Variants in C6orf163 observed in about 807,000 individuals in gnomAD.
The protein encoded by C6orf163 is uncharacterized protein C6orf163.
C6orf163 carries 22 observed loss-of-function variants against 28.4 expected under a neutral mutation model. The ratio of observed to expected loss-of-function variants is 0.78; its 90% CI spans 0.55 to 1.11. The LOEUF is 1.11. Ranked by LOEUF, C6orf163 falls within the 50% of genes least tolerant of loss-of-function variation. The probability of loss-of-function intolerance (pLI) is 0.00; values close to 1 mark genes in which losing one functional copy is unlikely to be tolerated. For missense variants in C6orf163, 342 were observed against 389.1 expected (o/e 0.88, Z 1.02); for synonymous variants, 110 against 123.6 (o/e 0.89, Z 0.73).
intron 1 of C6orf163, 66 bp downstream of exon 1, chr6:87,345,313 A>G: frequency 2.9e-6 from 4 of 1,399,122 alleles, no homozygotes; most frequent in South Asian, 1.6e-5. Context: ...TCTTTCTGTT[A>G]CATAGACTTT....
chr6:87,350,340 T>A, intron 2 of C6orf163, 54 bp from the exon 3 acceptor site: 1 of 1,131,046 alleles, frequency 8.8e-7, no homozygotes. Context: ...TAAGCCAAGT[T>A]TGCTTGTGCT....
chr6:87,357,553 A>G (rs1777523607), intron 4 of C6orf163: 1 of 152,230 alleles, frequency 6.6e-6, no homozygotes, highest in African/African-American at 2.4e-5. Context: ...TGCAGCTGTG[A>G]CAGTTTAACT....
Position 87,344,898 on chromosome 6 carries a change from G to T in C6orf163, c.-202G>T. On this transcript the variant is annotated 5_prime_UTR_variant, in exon 1 of 5. Coordinates refer to ENST00000388923, the MANE Select transcript of C6orf163 (RefSeq NM_001010868.3). ...GGTGCCCATACCTTCTATGGCAGGG[G>T]CTTTTAGCACCATTCTTTAACGTTA... 2.5e-6 allele frequency: 1 copy of T among 406,742 alleles called. No individual in the cohort carries two copies. The highest frequency in any genetic ancestry group is 4.3e-6 in the Non-Finnish European group (1 of 231,180). The allele number at this position is 406,742 out of a possible 1,614,324, so 25.2% of individuals were successfully genotyped here.
At chr6:87,359,622 T>G (rs756613248) in intron 4 of C6orf163, among the ~76,000 whole-genome samples, 5 of 152,248 alleles carry the variant, frequency 3.3e-5, no homozygotes, top group Non-Finnish European at 7.3e-5. Flanking sequence ...AAGGATCAAT[T>G]GCTACTATGG....
At chr6:87,350,716 G>C (rs1436838050) in intron 3 of C6orf163, among the ~76,000 whole-genome samples, 2 of 152,190 alleles carry the variant, frequency 1.3e-5, no homozygotes, top group Admixed American at 1.3e-4. Flanking sequence ...CTTCCCAAGG[G>C]AAGCTTTGCC....
chr6:87,345,210 A>G lies in C6orf163; in HGVS notation c.111A>G (p.Pro37=), dbSNP rs1777304552. The G allele has an allele frequency of 6.5e-7, 1 of 1,535,296 alleles. No homozygotes were observed. Among genetic ancestry groups the G allele is most frequent in the African/African-American group, 1.4e-5 (1 of 72,918 alleles). Residue 37 remains proline, a synonymous_variant, in exon 1 of 5, where the codon CCA becomes CCG. Coordinates refer to ENST00000388923, the MANE Select transcript of C6orf163 (RefSeq NM_001010868.3). ...TCAAACGGATCCATGAATACAAGCC[A>G]CTTAAGACACGCTTTTACACTCACA... ...KTFKRIHEYK[P]LKTRFYTHKD...
intron 2 of C6orf163, among the ~76,000 whole-genome samples, chr6:87,349,217 A>C (rs1407840976): frequency 1.3e-5 from 2 of 152,018 alleles, no homozygotes; most frequent in Admixed American, 6.6e-5. Context: ...TGTAGGGAGG[A>C]CTCCTGCTCC....
chr6:87,348,367 A>G, intron 1 of C6orf163: 3 of 987,434 alleles, frequency 3.0e-6, no homozygotes, highest in Non-Finnish European at 3.6e-6. Flanking sequence ...CCCACAAAGA[A>G]CCACATGCTA....
At chr6:87,356,714 T>C in intron 4 of C6orf163, 2 of 520,116 alleles carry the variant, frequency 3.8e-6, no homozygotes, top group South Asian at 2.9e-5. Context: ...CTCAAAAACC[T>C]ACCACCCAGC....
At chr6:87,358,534 G>A (rs1582109680) in intron 4 of C6orf163, 1 of 152,072 alleles carries the variant, frequency 6.6e-6, no homozygotes, top group Non-Finnish European at 1.5e-5. Flanking sequence ...GTGAACCTGG[G>A]AGGCGGAGCT....
chr6:87,351,531 A>C (rs934790586), intron 3 of C6orf163, among the ~76,000 whole-genome samples: 47 of 152,152 alleles, frequency 3.1e-4, no homozygotes, highest in Non-Finnish European at 1.2e-4. Context: ...CCAGTGGCCT[A>C]CCTCAGCCAG....
At chr6:87,348,995 T>G (rs1055842534) in intron 2 of C6orf163, 89 bp downstream of exon 2, 110 of 1,460,588 alleles carry the variant, frequency 7.5e-5, no homozygotes, top group Non-Finnish European at 9.3e-5. Flanking sequence ...AGTGTAGTAG[T>G]CAGAACTGAC....
Position 87,350,464 on chromosome 6 carries a change from T to C in C6orf163, c.314T>C (p.Ile105Thr), listed in dbSNP as rs1456313870. ...GCAAATGACAGACACAAAATTGAAA[T>C]TCAGATTTTGAAAGAGGAACATCAG... ...EEANDRHKIE[I>T]QILKEEHQKD... The change falls in exon 3 of 5, where the codon ATT becomes ACT. Residue 105 changes from isoleucine (I) to threonine (T), a missense_variant. Physicochemically the swap from Ile to Thr is moderately conservative, Grantham distance 89. Transcript: ENST00000388923. 5 of 1,535,450 alleles carry C rather than the reference T, an allele frequency of 3.3e-6. No homozygotes were observed. The highest frequency in any genetic ancestry group is 4.4e-6 in the Non-Finnish European group (5 of 1,145,790).
At chr6:87,349,442 T>G (rs1467905164) in intron 2 of C6orf163, among the ~76,000 whole-genome samples, 1 of 152,176 alleles carries the variant, frequency 6.6e-6, no homozygotes, top group Non-Finnish European at 1.5e-5. Flanking sequence ...TCGATATGAC[T>G]GCTGAGCACT....
chr6:87,346,478 A>T (rs1777325871), intron 1 of C6orf163, among the ~76,000 whole-genome samples: 1 of 152,232 alleles, frequency 6.6e-6, no homozygotes, highest in Non-Finnish European at 1.5e-5. Flanking sequence ...TGGAATATCT[A>T]ACCCAAACCT....
At chr6:87,350,532 A>T in intron 3 of C6orf163, 31 bp downstream of exon 3, 3 of 1,253,812 alleles carry the variant, frequency 2.4e-6, no homozygotes, top group Non-Finnish European at 3.3e-6. Context: ...GTTGTCTTTT[A>T]AAAGTAATTA....
chr6:87,353,777 C>A (rs1432654051), intron 3 of C6orf163, among the ~76,000 whole-genome samples: 1 of 152,296 alleles, frequency 6.6e-6, no homozygotes, highest in South Asian at 2.1e-4. Context: ...CACAGCAGAA[C>A]CTCTTCACCC....
intron 1 of C6orf163, 56 bp from the exon 2 acceptor site, chr6:87,348,756 G>A: frequency 6.5e-7 from 1 of 1,526,832 alleles, no homozygotes; most frequent in Non-Finnish European, 8.8e-7. Context: ...ATGGTGGAAA[G>A]GAAAGCCAGG....
chr6:87,354,179 T>A (rs1009535682), intron 3 of C6orf163, among the ~76,000 whole-genome samples: 5 of 152,164 alleles, frequency 3.3e-5, no homozygotes, highest in African/African-American at 4.8e-5. Flanking sequence ...ATTTTTCAAT[T>A]TGGAAATAGA....
Sources: gnomAD v4.1 joint callset for allele counts (sites outside exome capture counted in the v4.1 genomes callset) on GRCh38, gnomAD v4.1.1 for gene constraint, MANE v1.5 for transcripts, NCBI Gene and HGNC (gene_info 2026-07-23, HGNC 2026-07-21) for gene names.